The following MLLT10 variants were observed in gnomAD, a reference collection of about 807,000 sequenced individuals.
MLLT10 encodes protein AF-10.
Under a neutral mutation model 129.1 loss-of-function variants are expected in MLLT10, and 30 were observed. The observed-to-expected ratio is 0.23, with a 90% CI of 0.17 to 0.32. The LOEUF is 0.32. Ranked by LOEUF, MLLT10 falls within the 10% of genes least tolerant of loss-of-function variation. MLLT10 has a pLI of 1.00. For missense variants in MLLT10, 1,119 were observed against 1,268.3 expected (o/e 0.88, Z 1.79); for synonymous variants, 490 against 446.4 (o/e 1.10, Z -1.23).
intron 5 of MLLT10, among the ~76,000 whole-genome samples, chr10:21,606,355 G>A (rs1422196380): frequency 6.6e-6 from 1 of 152,188 alleles, no homozygotes; most frequent in Non-Finnish European, 1.5e-5. Flanking sequence ...TGTGGATCCA[G>A]GAGTCAATTT....
At chr10:21,660,737 G>T (rs1023644581) in intron 9 of MLLT10, among the ~76,000 whole-genome samples, 1 of 150,898 alleles carries the variant, frequency 6.6e-6, no homozygotes, top group African/African-American at 2.4e-5. Context: ...AGCTGGGTAT[G>T]GTGCCGGACG....
Position 21,666,391 on chromosome 10 carries a change from G to A in MLLT10, c.796-4058G>A, listed in dbSNP as rs536791830. 5.9e-5 allele frequency among the ~76,000 whole-genome samples: 9 copies of A among 151,966 alleles called. No individual in the cohort carries two copies. The South Asian group carries it at 8.3e-4, about 14-fold the overall frequency. The stretch of plus-strand genomic sequence containing the variant: ...GTAAAGAGTTTAAAATAGGCCAGGC[G>A]CGGTGGCTCATGGCTGTACTCCCAA... On this transcript the variant is annotated intron_variant, in intron 9 of 22. Transcript: ENST00000307729.
intron 14 of MLLT10, among the ~76,000 whole-genome samples, chr10:21,722,796 C>T (rs930358455): frequency 6.6e-6 from 1 of 152,080 alleles, no homozygotes; most frequent in Non-Finnish European, 1.5e-5. Flanking sequence ...TTCCAAACAT[C>T]AGTTAAGAAA....
intron 3 of MLLT10, among the ~76,000 whole-genome samples, chr10:21,539,778 G>A (rs116268773): frequency 0.027 from 4,080 of 151,760 alleles, 185 homozygotes; most frequent in African/African-American, 0.092. Flanking sequence ...TCAAAAAAAA[G>A]AAAAACAAAT....
chr10:21,683,760 T>G (rs538010214), intron 13 of MLLT10, among the ~76,000 whole-genome samples: 1 of 151,860 alleles, frequency 6.6e-6, no homozygotes, highest in African/African-American at 2.4e-5. Flanking sequence ...TTGTTTTTTT[T>G]TTTGAGACGG....
At chr10:21,558,166 G>A (rs905699504) in intron 3 of MLLT10, among the ~76,000 whole-genome samples, 11 of 151,692 alleles carry the variant, frequency 7.3e-5, no homozygotes, top group Admixed American at 2.0e-4. Flanking sequence ...GGCCAGGCTC[G>A]TCTCGAACTA....
Position 21,673,713 on chromosome 10 carries a change from A to C in MLLT10, c.1415A>C (p.Lys472Thr), listed in dbSNP as rs2051754121. 6.2e-7 allele frequency: 1 copy of C among 1,614,068 alleles called. No homozygotes were observed. Among genetic ancestry groups the C allele is most frequent in the Non-Finnish European group, 8.5e-7 (1 of 1,180,036 alleles). ...TVKEKKRKGNKQSKHGPGRPK... is the reference protein window; with the variant it reads ...TVKEKKRKGNTQSKHGPGRPK... ...AAGGAAAAGAAAAGGAAAGGAAATAAACAAAGTAAGCATGGGCCTGGCAGA... is the reference window on the plus strand; with the variant it reads ...AAGGAAAAGAAAAGGAAAGGAAATACACAAAGTAAGCATGGGCCTGGCAGA... Residue 472 changes from lysine to threonine, a missense_variant, in exon 11 of 23, where the codon AAA becomes ACA. Physicochemically the swap from Lys to Thr is moderately conservative, Grantham distance 78. This residue lies in a region of MLLT10 where 1,004 missense variants were observed against 1,008.7 expected (regional missense o/e 1.00). Coordinates refer to ENST00000307729, the MANE Select transcript of MLLT10 (RefSeq NM_001195626.3).
At chr10:21,683,135 G>A (rs959223872) in intron 13 of MLLT10, among the ~76,000 whole-genome samples, 2 of 152,184 alleles carry the variant, frequency 1.3e-5, no homozygotes, top group Non-Finnish European at 2.9e-5. Context: ...GATGTTTACA[G>A]TATCGACAGC....
chr10:21,717,483 T>TCCTCCC (rs2056675243), intron 14 of MLLT10, among the ~76,000 whole-genome samples: 1 of 33,780 alleles, frequency 3.0e-5, no homozygotes, highest in South Asian at 1.6e-3. Flanking sequence ...ATTCTTATAT[T>TCCTCCC]CCTCCTCCTC....
intron 8 of MLLT10, among the ~76,000 whole-genome samples, chr10:21,631,434 A>T (rs891354625): frequency 8.9e-5 from 13 of 145,782 alleles, no homozygotes; most frequent in Non-Finnish European, 1.5e-4. Flanking sequence ...AGTCCCTGGA[A>T]TTTTTTTTTT....
intron 3 of MLLT10, among the ~76,000 whole-genome samples, chr10:21,551,052 G>C (rs565661082): frequency 6.6e-6 from 1 of 151,092 alleles, no homozygotes; most frequent in East Asian, 2.0e-4. Flanking sequence ...TTAGCCTCCT[G>C]AGTAGCTGGG....
chr10:21,606,930 G>A (rs574808440), intron 5 of MLLT10, among the ~76,000 whole-genome samples: 3 of 152,330 alleles, frequency 2.0e-5, no homozygotes, highest in East Asian at 3.9e-4. Context: ...ACAGAGCAAT[G>A]TTTTATGAAA....
chr10:21,735,686 T>G (rs557467681), intron 21 of MLLT10, among the ~76,000 whole-genome samples: 1 of 152,006 alleles, frequency 6.6e-6, no homozygotes, highest in African/African-American at 2.4e-5. Context: ...GTTCAGGGAG[T>G]GTGCCTTTGT....
intron 9 of MLLT10, among the ~76,000 whole-genome samples, chr10:21,655,822 C>G (rs939893930): frequency 6.6e-6 from 1 of 152,058 alleles, no homozygotes; most frequent in African/African-American, 2.4e-5. Flanking sequence ...CAGGGTCGAT[C>G]TAAGTTTTTG....
At chr10:21,602,754 T>G (rs1231057060) in intron 5 of MLLT10, among the ~76,000 whole-genome samples, 1 of 151,108 alleles carries the variant, frequency 6.6e-6, no homozygotes, top group Non-Finnish European at 1.5e-5. Context: ...TTTGAGACAG[T>G]GTCTTGCTCT....
At chr10:21,669,673 T>A (rs1046506761) in intron 9 of MLLT10, among the ~76,000 whole-genome samples, 1 of 152,302 alleles carries the variant, frequency 6.6e-6, no homozygotes, top group East Asian at 1.9e-4. Flanking sequence ...ACATGGTGAT[T>A]AATGTGCATC....
At chr10:21,588,793 G>A (rs190704399) in intron 4 of MLLT10, among the ~76,000 whole-genome samples, 16 of 150,930 alleles carry the variant, frequency 1.1e-4, no homozygotes, top group African/African-American at 3.9e-4. Context: ...TCTCTTCTGT[G>A]GTCTGTTTTT....
intron 8 of MLLT10, among the ~76,000 whole-genome samples, chr10:21,646,840 C>G (rs907227423): frequency 6.6e-6 from 1 of 151,114 alleles, no homozygotes; most frequent in East Asian, 1.9e-4. Context: ...TTTCCGAAAT[C>G]TCTGACTATT....
intron 3 of MLLT10, among the ~76,000 whole-genome samples, chr10:21,560,695 G>C (rs1355581578): frequency 6.6e-6 from 1 of 152,072 alleles, no homozygotes; most frequent in Non-Finnish European, 1.5e-5. Context: ...CAATTCTCCT[G>C]CCTGAGCCTC....
Sources: gnomAD v4.1 joint callset for allele counts (sites outside exome capture counted in the v4.1 genomes callset) on GRCh38, gnomAD v4.1.1 for gene constraint, gnomAD v4.1.1 regional missense constraint, MANE v1.5 for transcripts, NCBI Gene and HGNC (gene_info 2026-07-23, HGNC 2026-07-21) for gene names.